ZNF722: variants seen among roughly 807,000 people sequenced by gnomAD.
The protein encoded by ZNF722 is zinc finger protein 722.
chr7:64,015,199 T>C, the ZNF722 span: 1 of 1,284,724 alleles, frequency 7.8e-7, no homozygotes, highest in Non-Finnish European at 1.1e-6. Context: ...TATAATGAAG[T>C]TAAGCAATGT....
chr7:64,015,350 C>A, the ZNF722 span: 1 of 1,431,400 alleles, frequency 7.0e-7, no homozygotes, highest in Non-Finnish European at 9.7e-7. Flanking sequence ...AATCGTTTTG[C>A]ATGCCTTCAC....
chr7:64,006,418 T>C, the ZNF722 span: 2 of 838,502 alleles, frequency 2.4e-6, no homozygotes, highest in African/African-American at 1.8e-5. Context: ...TGTGCTTCGA[T>C]GGAAAGAGTT....
the ZNF722 span, chr7:64,006,360 T>C: frequency 2.4e-5 from 28 of 1,188,952 alleles, no homozygotes; most frequent in Non-Finnish European, 3.3e-5. Flanking sequence ...AGATGAGAGA[T>C]ACACAAATCA....
the ZNF722 span, chr7:64,014,991 A>G: frequency 1.6e-6 from 2 of 1,240,030 alleles, no homozygotes; most frequent in Non-Finnish European, 2.3e-6. Context: ...ATCTGAGTCT[A>G]GTAAGTGGAG....
chr7:64,006,425 A>T, the ZNF722 span: 11 of 764,412 alleles, frequency 1.4e-5, no homozygotes, highest in African/African-American at 2.0e-4. Context: ...CGATGGAAAG[A>T]GTTTCTGAGA....
chr7:64,017,168 G>C, the ZNF722 span, among the ~76,000 whole-genome samples: 1 of 152,186 alleles, frequency 6.6e-6, no homozygotes, highest in Non-Finnish European at 1.5e-5. Context: ...AGTGGATCAT[G>C]AGATCAGGAG....
the ZNF722 span, chr7:64,015,941 A>G: frequency 3.0e-6 from 4 of 1,330,812 alleles, no homozygotes; most frequent in Non-Finnish European, 4.2e-6. Flanking sequence ...TCTAGCCCTC[A>G]GGCCTTATAA....
chr7:64,013,736 A>G, the ZNF722 span, among the ~76,000 whole-genome samples: 3 of 152,106 alleles, frequency 2.0e-5, no homozygotes, highest in African/African-American at 7.2e-5. Flanking sequence ...TCAGAAAGTT[A>G]TGTATTTTCA....
chr7:63,998,856 G>T, the ZNF722 span: 1 of 1,306,494 alleles, frequency 7.7e-7, no homozygotes, highest in Non-Finnish European at 1.1e-6. Flanking sequence ...GTCCTTTTGT[G>T]CTTCTCTGCG....
chr7:64,011,415 C>T, the ZNF722 span, among the ~76,000 whole-genome samples: 1 of 152,148 alleles, frequency 6.6e-6, no homozygotes, highest in Non-Finnish European at 1.5e-5. Flanking sequence ...TTTAGTGCTT[C>T]CTTCAGGAGC....
chr7:64,012,585 T>G, the ZNF722 span, among the ~76,000 whole-genome samples: 1 of 152,144 alleles, frequency 6.6e-6, no homozygotes, highest in African/African-American at 2.4e-5. Context: ...AGTGCTGAGA[T>G]TACACCTGTG....
the ZNF722 span, chr7:64,015,101 A>G: frequency 7.0e-7 from 1 of 1,426,230 alleles, no homozygotes; most frequent in South Asian, 1.1e-5. Context: ...AAGTAATACC[A>G]AGAACATATG....
chr7:63,999,258 C>T, the ZNF722 span, among the ~76,000 whole-genome samples: 2 of 152,176 alleles, frequency 1.3e-5, no homozygotes, highest in African/African-American at 4.8e-5. Flanking sequence ...CAGCTCTGCA[C>T]TCCCAGCGCC....
the ZNF722 span, among the ~76,000 whole-genome samples, chr7:64,007,230 G>GTGTGTATATA: frequency 3.4e-3 from 473 of 138,458 alleles, 2 homozygotes; most frequent in Non-Finnish European, 5.3e-3. Flanking sequence ...GTTTGTGTGT[G>GTGTGTATATA]TATATATATA....
At chr7:64,008,055 C>T in the ZNF722 span, among the ~76,000 whole-genome samples, 6 of 152,132 alleles carry the variant, frequency 3.9e-5, no homozygotes, top group Non-Finnish European at 4.4e-5. Context: ...TGAGAAGTGT[C>T]TGTTCATATC....
chr7:64,014,162 T>A, the ZNF722 span, among the ~76,000 whole-genome samples: 7 of 152,216 alleles, frequency 4.6e-5, no homozygotes, highest in Non-Finnish European at 7.4e-5. Context: ...TTTACATTAC[T>A]TTTTTCATAC....
At chr7:64,017,213 A>G in the ZNF722 span, among the ~76,000 whole-genome samples, 1 of 152,238 alleles carries the variant, frequency 6.6e-6, no homozygotes, top group East Asian at 1.9e-4. Flanking sequence ...GTGAAAGCCC[A>G]TCTCTACTAA....
chr7:64,010,288 T>G, the ZNF722 span, among the ~76,000 whole-genome samples: 1,631 of 152,308 alleles, frequency 0.011, 12 homozygotes, highest in Non-Finnish European at 0.019. Context: ...CTGCTAGCTT[T>G]TGAATTTGTC....
At chr7:64,002,454 A>G in the ZNF722 span, among the ~76,000 whole-genome samples, 10 of 152,086 alleles carry the variant, frequency 6.6e-5, no homozygotes, top group African/African-American at 1.9e-4. Flanking sequence ...CCTTAATTTC[A>G]TTATTTACAA....
Sources: gnomAD v4.1 joint callset for allele counts (sites outside exome capture counted in the v4.1 genomes callset) on GRCh38, gnomAD v4.1.1 for gene constraint, MANE v1.5 for transcripts, NCBI Gene and HGNC (gene_info 2026-07-23, HGNC 2026-07-21) for gene names.